Variants in FOXP2 observed in about 807,000 individuals in gnomAD.
FOXP2 encodes forkhead box P2, also known as forkhead box protein P2.
A neutral mutation model predicts 115.8 loss-of-function variants in FOXP2; 12 were observed. The observed-to-expected ratio is 0.10, with a 90% confidence interval of 0.07 to 0.17. FOXP2 has a LOEUF of 0.17. Ranked by LOEUF, FOXP2 falls within the 10% of genes least tolerant of loss-of-function variation. The pLI is 1.00. For synonymous variants in FOXP2, 328 were observed against 297.7 expected (o/e 1.10, Z -1.05); for missense variants, 629 against 843.5 (o/e 0.75, Z 3.15).
At chr7:114,162,751 T>A (rs1792876362), upstream of FOXP2, among the ~76,000 whole-genome samples, 1 of 152,100 alleles carries the variant, frequency 6.6e-6, no homozygotes, top group South Asian at 2.1e-4. Context: ...AGAAGATAGA[T>A]GTGGGTTTCT....
At chr7:114,245,381 T>G (rs897353348) in intron 1 of FOXP2, among the ~76,000 whole-genome samples, 3 of 152,206 alleles carry the variant, frequency 2.0e-5, no homozygotes, top group African/African-American at 2.4e-5. Flanking sequence ...CAGCAGTTTT[T>G]TTGTGGTACT....
chr7:114,629,594 T>C, intron 4 of FOXP2: 4 of 1,548,648 alleles, frequency 2.6e-6, no homozygotes, highest in Non-Finnish European at 3.5e-6. Context: ...TTGTTTAGGA[T>C]TTTTTGGATT....
intron 3 of FOXP2, among the ~76,000 whole-genome samples, chr7:114,546,229 C>A (rs1245012536): frequency 2.6e-5 from 4 of 152,174 alleles, no homozygotes; most frequent in Non-Finnish European, 5.9e-5. Context: ...CCAATGTTTT[C>A]ATCAGCTTTT....
At position 114,622,376 on chromosome 7, in the gene FOXP2, T is replaced by A. The variant is rs552128067; in HGVS notation, c.259-6164T>A. ...CATGTCATATACTTGAAAATGTAAA[T>A]GAATGTGTGTGTAAAATTAAATTTA... On this transcript the variant is annotated intron_variant, in intron 3 of 16. Coordinates refer to ENST00000350908, the MANE Select transcript of FOXP2 (RefSeq NM_014491.4). Among the ~76,000 whole-genome samples the A allele has an allele frequency of 2.0e-5, 3 of 151,968 alleles. No individual in the cohort carries two copies. The East Asian group carries it at 5.8e-4, about 29-fold the overall frequency.
chr7:114,468,230 T>G (rs1795895299), intron 2 of FOXP2, among the ~76,000 whole-genome samples: 1 of 152,198 alleles, frequency 6.6e-6, no homozygotes, highest in Non-Finnish European at 1.5e-5. Flanking sequence ...AGTTCTAGAA[T>G]CCTAGGAGTC....
At position 114,327,309 on chromosome 7, in the gene FOXP2, T is replaced by C. The variant is rs183490295; in HGVS notation, c.-11+39200T>C. ...ATACTTGAATGAATGAATGAATGAA[T>C]GAGTGAATGAACAAATGAAGTAGCA... On this transcript the variant is annotated intron_variant, in intron 2 of 17. Coordinates refer to the FOXP2 transcript ENST00000634411. Among the ~76,000 whole-genome samples the C allele has an allele frequency of 5.4e-3, 827 of 152,304 alleles. 5 individuals carry two copies. Among genetic ancestry groups the C allele is most frequent in the African/African-American group, 0.019 (799 of 41,568 alleles).
intron 2 of FOXP2, among the ~76,000 whole-genome samples, chr7:114,458,146 C>T (rs1473046557): frequency 1.3e-5 from 2 of 152,120 alleles, no homozygotes; most frequent in South Asian, 2.1e-4. Flanking sequence ...ACTAAAATAT[C>T]TGAACATATG....
intron 1 of FOXP2, among the ~76,000 whole-genome samples, chr7:114,281,043 T>A (rs1796322572): frequency 6.6e-6 from 1 of 151,894 alleles, no homozygotes; most frequent in African/African-American, 2.4e-5. Flanking sequence ...ATATAACAGA[T>A]GTTTAGTAAT....
intron 1 of FOXP2, among the ~76,000 whole-genome samples, chr7:114,125,330 A>T (rs1380650354): frequency 6.6e-6 from 1 of 152,134 alleles, no homozygotes; most frequent in Admixed American, 6.6e-5. Context: ...GAGAAAAAGG[A>T]CGTAGTTTTT....
chr7:114,322,869 C>T (rs574373005), intron 2 of FOXP2, among the ~76,000 whole-genome samples: 19 of 152,078 alleles, frequency 1.2e-4, no homozygotes, highest in East Asian at 3.9e-4. Context: ...TGTGTGTTTG[C>T]GTGTGAGGGA....
chr7:114,221,564 C>A (rs1794622163), intron 1 of FOXP2, among the ~76,000 whole-genome samples: 2 of 152,062 alleles, frequency 1.3e-5, no homozygotes, highest in Non-Finnish European at 2.9e-5. Flanking sequence ...TCCATTACCC[C>A]CCTCCCCCAG....
At chr7:114,621,681 T>A (rs949375647) in intron 3 of FOXP2, among the ~76,000 whole-genome samples, 11 of 152,060 alleles carry the variant, frequency 7.2e-5, no homozygotes, top group African/African-American at 2.6e-4. Flanking sequence ...CAGGATCCAA[T>A]TTAGAGGGCT....
chr7:114,411,198 T>A (rs995317182), upstream of FOXP2, among the ~76,000 whole-genome samples: 3 of 152,132 alleles, frequency 2.0e-5, no homozygotes, highest in Non-Finnish European at 2.9e-5. Flanking sequence ...ATATTCTTTA[T>A]CTGGCTTTCG....
chr7:114,416,741 G>A (rs141514949), intron 1 of FOXP2, among the ~76,000 whole-genome samples: 207 of 151,990 alleles, frequency 1.4e-3, no homozygotes, highest in Non-Finnish European at 2.2e-3. Context: ...TACAAGTTTG[G>A]AAACAAAGTA....
At chr7:114,173,130 T>G (rs1793191636) in intron 1 of FOXP2, among the ~76,000 whole-genome samples, 1 of 151,980 alleles carries the variant, frequency 6.6e-6, no homozygotes, top group Middle Eastern at 3.2e-3. Flanking sequence ...TCATGGTTTC[T>G]TTCCTTAAAT....
At chr7:114,414,112 A>G (rs562491268), upstream of FOXP2, 3 of 152,242 alleles carry the variant, frequency 2.0e-5, no homozygotes, top group South Asian at 6.2e-4. Context: ...TAAGTTGTTC[A>G]TTCTGTCTCT....
At chr7:114,562,179 T>A (rs1451455966) in intron 3 of FOXP2, among the ~76,000 whole-genome samples, 2 of 152,178 alleles carry the variant, frequency 1.3e-5, no homozygotes, top group African/African-American at 4.8e-5. Flanking sequence ...GCAGCATTTG[T>A]TCTTCCATTT....
At chr7:114,415,549 T>C (rs1227899033) in intron 1 of FOXP2, among the ~76,000 whole-genome samples, 189 bp downstream of exon 1, 1 of 151,844 alleles carries the variant, frequency 6.6e-6, no homozygotes, top group African/African-American at 2.4e-5. Context: ...ACAGGAACTG[T>C]TTTTGATCTG....
intron 2 of FOXP2, among the ~76,000 whole-genome samples, chr7:114,293,203 G>A (rs1796652716): frequency 6.6e-6 from 1 of 152,152 alleles, no homozygotes; most frequent in Admixed American, 6.6e-5. Flanking sequence ...TTGCTGGTAT[G>A]TTGCTTTTCT....
Sources: gnomAD v4.1 joint callset for allele counts (sites outside exome capture counted in the v4.1 genomes callset) on GRCh38, gnomAD v4.1.1 for gene constraint, MANE v1.5 for transcripts, NCBI Gene and HGNC (gene_info 2026-07-23, HGNC 2026-07-21) for gene names.